The following SLIT3 variants were observed in gnomAD, a reference collection of about 807,000 sequenced individuals.
The protein encoded by SLIT3 is slit guidance ligand 3.
In SLIT3, 68 loss-of-function variants were observed where a neutral mutation model predicts 184.0. The observed-to-expected ratio is 0.37, with a 90% CI of 0.30 to 0.45. SLIT3 has a LOEUF of 0.45. Ranked by LOEUF, SLIT3 falls within the 20% of genes least tolerant of loss-of-function variation. SLIT3 has a pLI of 1.00. For missense variants in SLIT3, 1,707 were observed against 2,026.0 expected (o/e 0.84, Z 3.02); for synonymous variants, 831 against 828.6 (o/e 1.00, Z -0.05).
At chr5:168,957,291 C>G (rs1206894675) in intron 4 of SLIT3, among the ~76,000 whole-genome samples, 3 of 151,706 alleles carry the variant, frequency 2.0e-5, no homozygotes, top group Non-Finnish European at 2.9e-5. Flanking sequence ...GTCTTGAACT[C>G]CTGACCTCAA....
chr5:168,982,645 C>T (rs907148675), intron 4 of SLIT3, among the ~76,000 whole-genome samples: 7 of 152,164 alleles, frequency 4.6e-5, no homozygotes, highest in African/African-American at 1.7e-4. Context: ...CATCTCCACA[C>T]ATAATTGGAG....
chr5:169,030,855 T>C (rs1581327563), intron 4 of SLIT3, among the ~76,000 whole-genome samples: 1 of 152,122 alleles, frequency 6.6e-6, no homozygotes, highest in Non-Finnish European at 1.5e-5. Context: ...GAACGTGGTA[T>C]GGTTGGGAAT....
At chr5:169,082,088 G>A (rs144942710) in intron 4 of SLIT3, among the ~76,000 whole-genome samples, 1 of 152,290 alleles carries the variant, frequency 6.6e-6, no homozygotes, top group East Asian at 1.9e-4. Context: ...TGCAGATAAG[G>A]AAAACAACTC....
intron 4 of SLIT3, among the ~76,000 whole-genome samples, chr5:169,076,003 C>A (rs528403459): frequency 2.9e-4 from 44 of 152,316 alleles, no homozygotes; most frequent in African/African-American, 1.0e-3. Flanking sequence ...TGAGAATCTG[C>A]AATGTGGTGA....
chr5:169,199,605 T>C (rs920715699), intron 3 of SLIT3, among the ~76,000 whole-genome samples: 4 of 152,140 alleles, frequency 2.6e-5, no homozygotes, highest in African/African-American at 7.2e-5. Flanking sequence ...TTAATCTCCA[T>C]GGAAACGTTT....
At chr5:169,021,289 G>A (rs535661757) in intron 4 of SLIT3, among the ~76,000 whole-genome samples, 1 of 152,268 alleles carries the variant, frequency 6.6e-6, no homozygotes, top group Admixed American at 6.5e-5. Context: ...CAGGTTCTGG[G>A]CTGCCCACAA....
chr5:168,890,458 CTGT>C (rs1347677874), intron 4 of SLIT3, among the ~76,000 whole-genome samples: 1 of 152,106 alleles, frequency 6.6e-6, no homozygotes, highest in Non-Finnish European at 1.5e-5. Flanking sequence ...TGGTATGGGG[CTGT>C]TGTTGTCATA....
At chr5:169,201,427 G>A (rs1429617869) in intron 3 of SLIT3, among the ~76,000 whole-genome samples, 1 of 152,134 alleles carries the variant, frequency 6.6e-6, no homozygotes, top group Non-Finnish European at 1.5e-5. Context: ...GGATATCTGA[G>A]AGGGCTGAAT....
chr5:168,907,971 T>TAGAGAGAGAG (rs1258570486), intron 4 of SLIT3, among the ~76,000 whole-genome samples: 47 of 71,092 alleles, frequency 6.6e-4, no homozygotes, highest in African/African-American at 8.7e-4. Flanking sequence ...TATATATATA[T>TAGAGAGAGAG]ATATATATAG....
intron 4 of SLIT3, among the ~76,000 whole-genome samples, chr5:168,973,048 C>A (rs183755135): frequency 6.6e-6 from 1 of 152,136 alleles, no homozygotes; most frequent in Non-Finnish European, 1.5e-5. Flanking sequence ...TTCTTTCCAA[C>A]TTCAGTATGT....
chr5:169,194,406 G>A (rs1041804219), intron 3 of SLIT3, among the ~76,000 whole-genome samples: 8 of 152,098 alleles, frequency 5.3e-5, no homozygotes, highest in Non-Finnish European at 1.2e-4. Context: ...ATGGAATTCT[G>A]GCCATCTTGG....
chr5:168,683,810 C>T (rs542028172), intron 32 of SLIT3, among the ~76,000 whole-genome samples, 156 bp downstream of exon 32: 8 of 152,220 alleles, frequency 5.3e-5, no homozygotes, highest in South Asian at 4.1e-4. Context: ...ACTCACCACT[C>T]GGTGAGGAGG....
intron 4 of SLIT3, among the ~76,000 whole-genome samples, chr5:169,000,733 A>T (rs1755676154): frequency 6.6e-6 from 1 of 152,218 alleles, no homozygotes; most frequent in Non-Finnish European, 1.5e-5. Context: ...AACAGAAAGA[A>T]AGATACACGG....
rs1765521145 is a variant in SLIT3, at chr5:169,244,617, A to C, written c.341+88T>G. 4 of 1,156,092 alleles carry C rather than the reference A, an allele frequency of 3.5e-6. No homozygotes were observed. The African/African-American group carries it at 4.6e-5, about 13-fold the overall frequency. 71.6% of individuals were successfully genotyped at this position (1,156,092 alleles called of 1,614,324 possible). ...GGAGACCTTTTTTAACAAGGTTATA[A>C]GGCCAATTTACAAAAACAAAACAAA... is the stretch of plus-strand genomic sequence containing the variant. On this transcript the variant is annotated intron_variant, in intron 3 of 35. Transcript: ENST00000519560.
At chr5:169,168,361 G>A (rs190624025) in intron 4 of SLIT3, among the ~76,000 whole-genome samples, 2 of 152,214 alleles carry the variant, frequency 1.3e-5, no homozygotes, top group East Asian at 1.9e-4. Flanking sequence ...ATTGTTCTAC[G>A]ACTGCAGAAC....
chr5:168,731,601 T>C (rs528332851), intron 20 of SLIT3, among the ~76,000 whole-genome samples: 3 of 152,036 alleles, frequency 2.0e-5, no homozygotes, highest in Non-Finnish European at 4.4e-5. Context: ...AAAAAGATAA[T>C]AGACCATGAT....
At chr5:168,864,276 C>T (rs1759221738) in intron 5 of SLIT3, among the ~76,000 whole-genome samples, 1 of 152,166 alleles carries the variant, frequency 6.6e-6, no homozygotes. Flanking sequence ...AGACCATCTG[C>T]ACCTAGTTTT....
At chr5:168,673,007 TTC>T (rs761282928) in intron 33 of SLIT3, among the ~76,000 whole-genome samples, 168 bp downstream of exon 33, 17 of 152,264 alleles carry the variant, frequency 1.1e-4, no homozygotes, top group Non-Finnish European at 1.6e-4. Context: ...CTGTCCCACA[TTC>T]TCTTTCCTCC....
Position 168,823,252 on chromosome 5 carries a change from T to C in SLIT3, c.629+8A>G. The C allele has an allele frequency of 6.2e-7, 1 of 1,611,574 alleles. No individual in the cohort carries two copies. The highest frequency in any genetic ancestry group is 8.5e-7 in the Non-Finnish European group (1 of 1,177,654). On this transcript the variant is annotated splice_region_variant and intron_variant, in intron 7 of 35. Coordinates refer to ENST00000519560, the MANE Select transcript of SLIT3 (RefSeq NM_003062.4). ...AAAATGGGAGAGATGCACAGACTTCTTACTCACAGAGTTCGGATCTTCGGC... is the reference window on the plus strand; with the variant it reads ...AAAATGGGAGAGATGCACAGACTTCCTACTCACAGAGTTCGGATCTTCGGC...
Sources: gnomAD v4.1 joint callset for allele counts (sites outside exome capture counted in the v4.1 genomes callset) on GRCh38, gnomAD v4.1.1 for gene constraint, MANE v1.5 for transcripts, NCBI Gene and HGNC (gene_info 2026-07-23, HGNC 2026-07-21) for gene names.